NKAIN2: variants seen among roughly 807,000 people sequenced by gnomAD.
NKAIN2 encodes the protein sodium/potassium transporting ATPase interacting 2, also known as sodium/potassium-transporting ATPase subunit beta-1-interacting protein 2.
A neutral mutation model predicts 32.6 loss-of-function variants in NKAIN2; 14 were observed. The observed-to-expected ratio is 0.43, with a 90% confidence interval of 0.28 to 0.67. NKAIN2 has a LOEUF of 0.67. NKAIN2 is among the 30% of genes least tolerant of loss of function. The pLI is 0.17. For missense variants in NKAIN2, 198 were observed against 258.3 expected (o/e 0.77, Z 1.60); for synonymous variants, 80 against 87.2 (o/e 0.92, Z 0.46).
chr6:124,539,963 T>G, intron 3 of NKAIN2, among the ~76,000 whole-genome samples: 1 of 152,226 alleles, frequency 6.6e-6, no homozygotes, highest in South Asian at 2.1e-4. Context: ...TCAGGCAATC[T>G]GCCCACCTCG....
chr6:124,195,039 C>T (rs1196462768), intron 1 of NKAIN2, among the ~76,000 whole-genome samples: 1 of 147,762 alleles, frequency 6.8e-6, no homozygotes. Context: ...ATATAAAATG[C>T]AATTTTTTTA....
intron 1 of NKAIN2, among the ~76,000 whole-genome samples, chr6:123,890,613 C>T (rs1773959027): frequency 6.6e-6 from 1 of 152,054 alleles, no homozygotes; most frequent in Non-Finnish European, 1.5e-5. Flanking sequence ...TAGTACAAAC[C>T]ATTTTATATC....
At chr6:123,990,208 A>G (rs898415853) in intron 1 of NKAIN2, among the ~76,000 whole-genome samples, 1 of 152,148 alleles carries the variant, frequency 6.6e-6, no homozygotes, top group Non-Finnish European at 1.5e-5. Flanking sequence ...ACCTGGTCCC[A>G]CCCTCGACAC....
intron 4 of NKAIN2, among the ~76,000 whole-genome samples, chr6:124,772,330 A>G (rs1778792987): frequency 6.6e-6 from 1 of 152,182 alleles, no homozygotes; most frequent in South Asian, 2.1e-4. Context: ...TGGAATAGTC[A>G]ATGGTGCCAT....
At chr6:124,772,848 A>G (rs1206600198) in intron 4 of NKAIN2, among the ~76,000 whole-genome samples, 1 of 152,174 alleles carries the variant, frequency 6.6e-6, no homozygotes, top group East Asian at 1.9e-4. Context: ...AAAGGTTGAA[A>G]AATCATCTAT....
chr6:124,789,438 G>A (rs1351502880), intron 4 of NKAIN2, among the ~76,000 whole-genome samples: 1 of 151,956 alleles, frequency 6.6e-6, no homozygotes, highest in Admixed American at 6.6e-5. Flanking sequence ...ATACCAAGGG[G>A]ATTTAACCAA....
At chr6:123,900,178 C>T (rs187294815) in intron 1 of NKAIN2, among the ~76,000 whole-genome samples, 21 of 152,146 alleles carry the variant, frequency 1.4e-4, no homozygotes, top group African/African-American at 4.8e-4. Flanking sequence ...AAATCTTACA[C>T]GATGAAAAAC....
rs553676618 is a variant in NKAIN2, at chr6:123,840,188, G to A, written c.54+35934G>A. Among the ~76,000 whole-genome samples, 60 of 152,140 alleles carry A rather than the reference G, an allele frequency of 3.9e-4. 1 individual carries two copies. The Middle Eastern group carries it at 0.014, about 34-fold the overall frequency. ...TGCATGTGTTAGTCTGTATGTTTGT[G>A]TGTATTTAATTACTACTGTTATCCA... On this transcript the variant is annotated intron_variant, in intron 1 of 6. Coordinates refer to ENST00000368417, the MANE Select transcript of NKAIN2 (RefSeq NM_001040214.3).
At chr6:124,507,116 GT>G (rs1345306600) in intron 3 of NKAIN2, among the ~76,000 whole-genome samples, 3 of 152,284 alleles carry the variant, frequency 2.0e-5, no homozygotes, top group East Asian at 3.9e-4. Flanking sequence ...CATTTTTAAA[GT>G]TTTTTGCACA....
chr6:123,878,557 A>G (rs1026931070), intron 1 of NKAIN2, among the ~76,000 whole-genome samples: 1 of 151,976 alleles, frequency 6.6e-6, no homozygotes, highest in Non-Finnish European at 1.5e-5. Flanking sequence ...AGAACCTTTT[A>G]AAACCCTTTT....
chr6:124,152,471 C>G (rs1055764990), intron 1 of NKAIN2, among the ~76,000 whole-genome samples: 1 of 151,870 alleles, frequency 6.6e-6, no homozygotes, highest in Non-Finnish European at 1.5e-5. Context: ...TATCATTTCA[C>G]TCCAGTTAGA....
chr6:124,417,035 T>G (rs1281466337), intron 3 of NKAIN2, among the ~76,000 whole-genome samples: 4 of 152,206 alleles, frequency 2.6e-5, no homozygotes, highest in African/African-American at 9.6e-5. Flanking sequence ...TCTTATAACA[T>G]AATACCAAAT....
chr6:124,672,888 TA>T (rs1026521444), intron 4 of NKAIN2, among the ~76,000 whole-genome samples: 1 of 152,012 alleles, frequency 6.6e-6, no homozygotes, highest in Non-Finnish European at 1.5e-5. Flanking sequence ...TTAATTGTTG[TA>T]AAAAACACAT....
chr6:123,925,311 G>T (rs1474807669), intron 1 of NKAIN2, among the ~76,000 whole-genome samples: 2 of 152,134 alleles, frequency 1.3e-5, no homozygotes, highest in Admixed American at 1.3e-4. Flanking sequence ...AAGGACCTCA[G>T]GATTAAGCTC....
chr6:124,411,068 T>C (rs1369628388), intron 3 of NKAIN2, among the ~76,000 whole-genome samples: 1 of 152,028 alleles, frequency 6.6e-6, no homozygotes, highest in Non-Finnish European at 1.5e-5. Flanking sequence ...TTTGAGCCTA[T>C]GTGTGTCTCT....
chr6:124,792,367 G>A (rs533963093), intron 5 of NKAIN2, among the ~76,000 whole-genome samples: 5 of 152,108 alleles, frequency 3.3e-5, no homozygotes, highest in Admixed American at 3.3e-4. Flanking sequence ...TGTAGAAGAG[G>A]CACTTTTCAA....
chr6:124,324,631 T>G (rs1797341991), intron 2 of NKAIN2, among the ~76,000 whole-genome samples: 1 of 152,148 alleles, frequency 6.6e-6, no homozygotes, highest in Non-Finnish European at 1.5e-5. Flanking sequence ...GGACCAAACA[T>G]TCTTGCTTTA....
chr6:123,998,831 G>A (rs988415170), intron 1 of NKAIN2, among the ~76,000 whole-genome samples: 2 of 139,650 alleles, frequency 1.4e-5, no homozygotes, highest in African/African-American at 5.5e-5. Context: ...ATATATATAT[G>A]GTGATGGTAT....
At chr6:124,490,855 T>C (rs1232251135) in intron 3 of NKAIN2, among the ~76,000 whole-genome samples, 2 of 151,836 alleles carry the variant, frequency 1.3e-5, no homozygotes, top group Non-Finnish European at 2.9e-5. Flanking sequence ...AATCACTGTA[T>C]TATTCAAAAT....
Sources: allele counts gnomAD v4.1 joint callset (sites outside exome capture counted in the v4.1 genomes callset), GRCh38; gene constraint gnomAD v4.1.1; transcripts MANE v1.5; gene names NCBI Gene and HGNC (gene_info 2026-07-23, HGNC 2026-07-21).